Variants in USH2A observed in about 807,000 individuals in gnomAD.
USH2A encodes usherin.
USH2A carries 443 observed loss-of-function variants against 538.9 expected under a neutral mutation model. That is an observed-to-expected ratio of 0.82 (90% CI 0.76 to 0.89). The LOEUF (loss-of-function observed/expected upper bound fraction) is 0.89, where lower values mean the gene tolerates loss of function less well. Among genes scored for constraint, USH2A ranks in the 40% least tolerant of loss-of-function variants. The probability of loss-of-function intolerance (pLI) is 0.00; values close to 1 mark genes in which losing one functional copy is unlikely to be tolerated. For missense variants in USH2A, 6,633 were observed against 6,324.8 expected, an observed-to-expected ratio of 1.05 and a Z score of -1.65; for synonymous variants, 2,413 against 2,273.5, an observed-to-expected ratio of 1.06 and a Z score of -1.75.
chr1:216,052,376 A>G (rs74437031), intron 30 of USH2A, among the ~76,000 whole-genome samples: 2 of 151,868 alleles, frequency 1.3e-5, no homozygotes, highest in Middle Eastern at 3.4e-3. Flanking sequence ...AAAAAAAAAA[A>G]AAGAAAGAAA....
chr1:216,202,616 G>A (rs1467499591), intron 16 of USH2A, among the ~76,000 whole-genome samples: 1 of 152,048 alleles, frequency 6.6e-6, no homozygotes, highest in Admixed American at 6.6e-5. Flanking sequence ...ACAGTCCTTG[G>A]CTCAGCACTG....
intron 61 of USH2A, among the ~76,000 whole-genome samples, chr1:215,689,646 G>A (rs1658536884): frequency 6.6e-6 from 1 of 152,224 alleles, no homozygotes; most frequent in African/African-American, 2.4e-5. Context: ...AAACTGCCAT[G>A]CTATGAGAGG....
intron 58 of USH2A, among the ~76,000 whole-genome samples, chr1:215,754,797 A>G (rs920733409): frequency 2.6e-5 from 4 of 152,326 alleles, no homozygotes; most frequent in African/African-American, 9.6e-5. Context: ...TGGCGGACTC[A>G]TGTTTTCAGA....
At chr1:215,673,217 T>C (rs1046972692) in intron 63 of USH2A, among the ~76,000 whole-genome samples, 64 of 152,286 alleles carry the variant, frequency 4.2e-4, no homozygotes, top group Non-Finnish European at 1.2e-4. Context: ...ACCACGAATG[T>C]TTCATTTCAA....
chr1:216,375,023 G>A (rs1024549711), intron 3 of USH2A, among the ~76,000 whole-genome samples: 2 of 151,990 alleles, frequency 1.3e-5, no homozygotes, highest in African/African-American at 4.8e-5. Flanking sequence ...TAGGGACTAT[G>A]GATATATAGG....
In USH2A at chr1:216,123,658, T is replaced by A. The variant is rs138513266; in HGVS notation, c.4628-26445A>T. Among the ~76,000 whole-genome samples, 312 of 152,304 alleles carry A rather than the reference T, an allele frequency of 2.0e-3. 4 individuals carry two copies. The highest frequency in any genetic ancestry group is 7.0e-3 in the African/African-American group (292 of 41,586). ...CCACATTATTTGTTTTTAGACCAGT[T>A]GCTATAGTTTTATGTACACAATGGA... On this transcript the variant is annotated intron_variant, in intron 21 of 71. Transcript: ENST00000307340.
At chr1:215,854,015 C>T (rs1343948022) in intron 44 of USH2A, among the ~76,000 whole-genome samples, 1 of 152,220 alleles carries the variant, frequency 6.6e-6, no homozygotes, top group Non-Finnish European at 1.5e-5. Context: ...ATCTTTTCAG[C>T]AGCATACCAC....
At chr1:216,298,913 TCA>T (rs1370181426) in intron 9 of USH2A, among the ~76,000 whole-genome samples, 9 of 151,656 alleles carry the variant, frequency 5.9e-5, no homozygotes, top group Admixed American at 1.3e-4. Context: ...CAATCTTGGC[TCA>T]CTGCAAGCTC....
intron 9 of USH2A, among the ~76,000 whole-genome samples, chr1:216,313,215 C>A (rs2037452138): frequency 6.6e-6 from 1 of 152,110 alleles, no homozygotes; most frequent in Non-Finnish European, 1.5e-5. Flanking sequence ...TGACAGGAGG[C>A]AGAGCTCAGG....
chr1:215,785,598 A>G (rs542012228), intron 52 of USH2A, among the ~76,000 whole-genome samples: 120 of 152,364 alleles, frequency 7.9e-4, no homozygotes, highest in African/African-American at 2.7e-3. Flanking sequence ...AACATGGCAC[A>G]TGTATACATG....
intron 53 of USH2A, 101 bp downstream of exon 53, chr1:215,782,637 T>A (rs971433562): frequency 1.7e-6 from 2 of 1,210,034 alleles, no homozygotes; most frequent in South Asian, 1.3e-5. Flanking sequence ...ACTTTTCTAG[T>A]GGTTAGATGC....
At chr1:215,841,778 A>G (rs1214522756) in intron 46 of USH2A, among the ~76,000 whole-genome samples, 1 of 152,108 alleles carries the variant, frequency 6.6e-6, no homozygotes, top group Non-Finnish European at 1.5e-5. Context: ...ATGGGAGAAA[A>G]TTTTTGCAAT....
At chr1:216,043,377 T>C (rs1260441571) in intron 32 of USH2A, among the ~76,000 whole-genome samples, 1 of 151,738 alleles carries the variant, frequency 6.6e-6, no homozygotes, top group South Asian at 2.1e-4. Context: ...TATTTGGAGA[T>C]GAAAGCAACA....
intron 20 of USH2A, among the ~76,000 whole-genome samples, chr1:216,189,719 A>G (rs982856944): frequency 6.6e-6 from 1 of 151,916 alleles, no homozygotes; most frequent in Non-Finnish European, 1.5e-5. Context: ...CAGGCCACAC[A>G]GTAATTTCTA....
chr1:216,050,619 T>TCTTTC (rs1398624665), intron 30 of USH2A, among the ~76,000 whole-genome samples: 10 of 138,402 alleles, frequency 7.2e-5, no homozygotes, highest in Non-Finnish European at 9.4e-5. Context: ...TTTTTTTTTT[T>TCTTTC]TTTGAGACAG....
rs575002222 is a variant in USH2A, at chr1:216,251,683, G to A, written c.1972-585C>T. Among the ~76,000 whole-genome samples the A allele has an allele frequency of 3.8e-4, 58 of 151,892 alleles. 1 individual carries two copies. The highest frequency in any genetic ancestry group is 3.4e-3 in the Middle Eastern group (1 of 294). ...TCTTGATCTCTTGACCTCGTGATCCGCCCGCCTCGGCCTCCCAAAGTGCTG... is the reference window on the plus strand; with the variant it reads ...TCTTGATCTCTTGACCTCGTGATCCACCCGCCTCGGCCTCCCAAAGTGCTG... On this transcript the variant is annotated intron_variant, in intron 11 of 71. Coordinates refer to ENST00000307340, the MANE Select transcript of USH2A (RefSeq NM_206933.4).
chr1:216,134,415 G>T (rs528178650), intron 21 of USH2A, among the ~76,000 whole-genome samples: 422 of 152,140 alleles, frequency 2.8e-3, no homozygotes, highest in African/African-American at 9.7e-3. Context: ...GGAGAGAAGA[G>T]CAATGTCCCA....
intron 21 of USH2A, among the ~76,000 whole-genome samples, chr1:216,117,598 CTG>C (rs2102591233): frequency 6.6e-6 from 1 of 152,184 alleles, no homozygotes; most frequent in Admixed American, 6.5e-5. Context: ...GAAGTAAAAA[CTG>C]TTTAGAAATT....
Position 215,639,244 on chromosome 1 carries a change from C to G in USH2A, c.14969-6G>C, listed in dbSNP as rs773118726. ...GATGACCTGGAAAAAGAAGGCTAGA[C>G]AAAAGGAAGAACTGGTAAATGACTT... On this transcript the variant is annotated splice_polypyrimidine_tract_variant and splice_region_variant and intron_variant, in intron 68 of 71. Coordinates refer to ENST00000307340, the MANE Select transcript of USH2A (RefSeq NM_206933.4). 1 of 1,613,996 alleles carries G rather than the reference C, an allele frequency of 6.2e-7. No individual in the cohort carries two copies. The highest frequency in any genetic ancestry group is 8.5e-7 in the Non-Finnish European group (1 of 1,179,970).
Sources: allele counts gnomAD v4.1 joint callset (sites outside exome capture counted in the v4.1 genomes callset), GRCh38; gene constraint gnomAD v4.1.1; transcripts MANE v1.5; gene names NCBI Gene and HGNC (gene_info 2026-07-23, HGNC 2026-07-21).